The following ELMO1 variants were observed in gnomAD, a reference collection of about 807,000 sequenced individuals.
ELMO1 encodes engulfment and cell motility protein 1.
A neutral mutation model predicts 98.9 loss-of-function variants in ELMO1; 26 were observed. The ratio of observed to expected loss-of-function variants is 0.26; its 90% CI spans 0.19 to 0.36. ELMO1 has a LOEUF of 0.36. Ranked by LOEUF, ELMO1 falls within the 10% of genes least tolerant of loss-of-function variation. The pLI is 1.00. For missense variants in ELMO1, 627 were observed against 935.2 expected (o/e 0.67, Z 4.30); for synonymous variants, 346 against 346.0 (o/e 1.00, Z 0.00).
At chr7:37,294,702 T>C (rs1394178054) in intron 4 of ELMO1, among the ~76,000 whole-genome samples, 1 of 152,176 alleles carries the variant, frequency 6.6e-6, no homozygotes. Context: ...TCATGGGATA[T>C]CATAAATTCA....
chr7:37,080,369 T>A (rs536479014), intron 15 of ELMO1, among the ~76,000 whole-genome samples: 2 of 151,896 alleles, frequency 1.3e-5, no homozygotes, highest in South Asian at 4.2e-4. Context: ...TCTTTCTACG[T>A]AGAGTAAAAG....
chr7:37,173,737 A>G (rs1790328990), intron 13 of ELMO1, among the ~76,000 whole-genome samples: 1 of 152,206 alleles, frequency 6.6e-6, no homozygotes, highest in Admixed American at 6.5e-5. Context: ...GAGAAGAGAA[A>G]AGAAATATTT....
At position 37,163,272 on chromosome 7, in the gene ELMO1, A is replaced by C. The variant is rs963395593; in HGVS notation, c.1087-30038T>G. 3.3e-5 allele frequency among the ~76,000 whole-genome samples: 5 copies of C among 152,176 alleles called. No homozygotes were observed. In the East Asian group the frequency reaches 9.7e-4, roughly 29 times the overall value. ...TTTTTGTGTGTGTTTGTGTGTAGAG[A>C]CTTTTCTCTCCTGTAATTCTTTTTA... is the stretch of plus-strand genomic sequence containing the variant. On this transcript the variant is annotated intron_variant, in intron 13 of 21. Coordinates refer to ENST00000310758, the MANE Select transcript of ELMO1 (RefSeq NM_014800.11).
chr7:37,172,238 G>A (rs190072553), intron 13 of ELMO1, among the ~76,000 whole-genome samples: 11 of 151,588 alleles, frequency 7.3e-5, no homozygotes, highest in Admixed American at 2.6e-4. Flanking sequence ...CCTCCCCTTC[G>A]TTGAAAATCG....
intron 1 of ELMO1, among the ~76,000 whole-genome samples, chr7:37,389,530 T>C (rs1460146504): frequency 1.3e-5 from 2 of 152,212 alleles, no homozygotes. Context: ...ACCTGAAATG[T>C]GTACACTTCA....
chr7:37,111,725 T>C (rs2129277060), intron 14 of ELMO1, among the ~76,000 whole-genome samples: 1 of 152,342 alleles, frequency 6.6e-6, no homozygotes, highest in Non-Finnish European at 1.5e-5. Flanking sequence ...ATATAAAATG[T>C]TCATAACCAT....
intron 18 of ELMO1, among the ~76,000 whole-genome samples, chr7:36,880,318 G>A (rs1022380608): frequency 1.1e-4 from 17 of 152,264 alleles, no homozygotes; most frequent in Non-Finnish European, 2.5e-4. Flanking sequence ...TCAGCAGTGG[G>A]ACTTGAAGCC....
At chr7:37,062,955 T>TGGGAGCCTA (rs1280367527) in intron 15 of ELMO1, among the ~76,000 whole-genome samples, 1 of 152,098 alleles carries the variant, frequency 6.6e-6, no homozygotes, top group Non-Finnish European at 1.5e-5. Context: ...GCCCAATAAG[T>TGGGAGCCTA]GGGAGCCTAG....
chr7:36,907,059 C>A (rs983686287), intron 16 of ELMO1, among the ~76,000 whole-genome samples: 26 of 152,074 alleles, frequency 1.7e-4, no homozygotes, highest in African/African-American at 6.3e-4. Flanking sequence ...TTTATGACTA[C>A]TGAATTTTAA....
intron 7 of ELMO1, among the ~76,000 whole-genome samples, chr7:37,234,576 A>T (rs1794359377): frequency 6.6e-6 from 1 of 152,228 alleles, no homozygotes; most frequent in South Asian, 2.1e-4. Flanking sequence ...ACGGCTAAGT[A>T]GGTAGTTTGT....
chr7:36,954,705 T>G (rs894478701), intron 16 of ELMO1, among the ~76,000 whole-genome samples: 4 of 152,180 alleles, frequency 2.6e-5, no homozygotes, highest in African/African-American at 9.7e-5. Context: ...GCTGGGCAAC[T>G]TCTGGCCTGA....
chr7:37,095,405 G>T (rs963763525), intron 15 of ELMO1, among the ~76,000 whole-genome samples: 10 of 152,222 alleles, frequency 6.6e-5, no homozygotes, highest in African/African-American at 2.4e-4. Context: ...TAGGGAGTAA[G>T]AAGGATAACT....
intron 15 of ELMO1, among the ~76,000 whole-genome samples, chr7:37,027,255 C>T (rs1794634499): frequency 6.6e-6 from 1 of 152,110 alleles, no homozygotes; most frequent in African/African-American, 2.4e-5. Flanking sequence ...CAACAGAAAA[C>T]AAAAGCAAAT....
intron 1 of ELMO1, among the ~76,000 whole-genome samples, chr7:37,409,238 T>G (rs1803899993): frequency 2.6e-5 from 4 of 152,210 alleles, no homozygotes; most frequent in Admixed American, 1.3e-4. Context: ...CTGACATCTA[T>G]TAAATAACTT....
At chr7:37,040,519 A>G (rs574552691) in intron 15 of ELMO1, among the ~76,000 whole-genome samples, 82 of 152,330 alleles carry the variant, frequency 5.4e-4, no homozygotes, top group African/African-American at 1.9e-3. Flanking sequence ...CAGCATGTGC[A>G]TGATGTGACA....
At chr7:37,401,705 C>G (rs978801301) in intron 1 of ELMO1, among the ~76,000 whole-genome samples, 1 of 152,114 alleles carries the variant, frequency 6.6e-6, no homozygotes, top group Admixed American at 6.5e-5. Context: ...CTCACTATCA[C>G]GAGAACAGCA....
At chr7:37,174,803 T>G (rs556502633) in intron 13 of ELMO1, among the ~76,000 whole-genome samples, 1 of 152,210 alleles carries the variant, frequency 6.6e-6, no homozygotes, top group South Asian at 2.1e-4. Context: ...CACAATATAA[T>G]CACGTCCACC....
chr7:37,404,015 G>A (rs971581104), intron 1 of ELMO1, among the ~76,000 whole-genome samples: 3 of 151,974 alleles, frequency 2.0e-5, no homozygotes, highest in African/African-American at 7.3e-5. Context: ...GCATATATTG[G>A]AACTCACTGT....
chr7:36,959,027 C>T (rs543379413), intron 16 of ELMO1, among the ~76,000 whole-genome samples: 2 of 152,122 alleles, frequency 1.3e-5, no homozygotes, highest in Non-Finnish European at 2.9e-5. Context: ...CACTTGCTTG[C>T]CTGAATCTAC....
Sources: allele counts gnomAD v4.1 joint callset (sites outside exome capture counted in the v4.1 genomes callset), GRCh38; gene constraint gnomAD v4.1.1; transcripts MANE v1.5; gene names NCBI Gene and HGNC (gene_info 2026-07-23, HGNC 2026-07-21).